CD96: variants seen among roughly 807,000 people sequenced by gnomAD.
The protein encoded by CD96 is CD96 molecule.
In CD96, 70 loss-of-function variants were observed where a neutral mutation model predicts 71.3. The ratio of observed to expected loss-of-function variants is 0.98; its 90% CI spans 0.81 to 1.20. CD96 has a LOEUF of 1.20. Ranked by LOEUF, CD96 falls within the 50% of genes most tolerant of loss-of-function variation. The pLI, the probability that CD96 is intolerant of heterozygous loss-of-function variation, is 0.00. For synonymous variants in CD96, 248 were observed against 233.0 expected (o/e 1.06, Z -0.59); for missense variants, 742 against 677.5 (o/e 1.10, Z -1.06).
chr3:111,656,880 G>A (rs1940242329), downstream of CD96, among the ~76,000 whole-genome samples: 1 of 152,044 alleles, frequency 6.6e-6, no homozygotes, highest in African/African-American at 2.4e-5. Context: ...TGGAGTTGAG[G>A]GGTAAAGAAG....
chr3:111,570,468 G>A (rs1440760368), intron 3 of CD96, among the ~76,000 whole-genome samples: 1 of 152,054 alleles, frequency 6.6e-6, no homozygotes, highest in African/African-American at 2.4e-5. Flanking sequence ...AATTTCTCTG[G>A]GCTCGTGGGT....
At chr3:111,604,889 G>A (rs559799428) in intron 7 of CD96, among the ~76,000 whole-genome samples, 2 of 152,032 alleles carry the variant, frequency 1.3e-5, no homozygotes, top group Non-Finnish European at 2.9e-5. Flanking sequence ...AGAAAAAAAG[G>A]GAAAAACTGT....
intron 14 of CD96, among the ~76,000 whole-genome samples, chr3:111,664,479 A>T (rs1940434332): frequency 6.6e-6 from 1 of 152,342 alleles, no homozygotes; most frequent in African/African-American, 2.4e-5. Flanking sequence ...GGACATAAAT[A>T]TGGAAACAAT....
At chr3:111,654,709 A>G (rs1030398928), downstream of CD96, among the ~76,000 whole-genome samples, 1 of 152,258 alleles carries the variant, frequency 6.6e-6, no homozygotes, top group African/African-American at 2.4e-5. Flanking sequence ...GGCTGGGGCC[A>G]TATCCAGCTA....
Position 111,563,512 on chromosome 3 carries a change from C to G in CD96, c.419-4011C>G, listed in dbSNP as rs547492087. On this transcript the variant is annotated intron_variant, in intron 2 of 13. Coordinates refer to ENST00000352690, the MANE Select transcript of CD96 (RefSeq NM_005816.5). ...GTCTCCTGCTGTTTTTACTAAAGCT[C>G]TAGTGATTTTTCAATAAGAAATGCT... Among the ~76,000 whole-genome samples, 7 of 152,282 alleles carry G rather than the reference C, an allele frequency of 4.6e-5. No individual in the cohort carries two copies. In the South Asian group the frequency reaches 1.2e-3, roughly 27 times the overall value.
intron 11 of CD96, among the ~76,000 whole-genome samples, chr3:111,637,664 T>A (rs1255325839): frequency 6.6e-6 from 1 of 152,178 alleles, no homozygotes; most frequent in Non-Finnish European, 1.5e-5. Flanking sequence ...GCTGAACCTC[T>A]CATACCAAGA....
chr3:111,568,893 A>T lies in CD96; in HGVS notation c.543+1246A>T, dbSNP rs182383745. Among the ~76,000 whole-genome samples the T allele has an allele frequency of 1.1e-4, 17 of 152,344 alleles. 1 individual carries two copies. The highest frequency in any genetic ancestry group is 3.8e-4 in the African/African-American group (16 of 41,592). ...TGACAACAAAGAGACAAACACAATT[A>T]TAGAGGTGATCATAAACATGATTTC... On this transcript the variant is annotated intron_variant, in intron 3 of 13. Coordinates refer to ENST00000352690, the MANE Select transcript of CD96 (RefSeq NM_005816.5).
chr3:111,556,708 G>A (rs925361125), intron 2 of CD96, among the ~76,000 whole-genome samples: 1 of 146,918 alleles, frequency 6.8e-6, no homozygotes, highest in Non-Finnish European at 1.5e-5. Context: ...ATAGTCATTT[G>A]GGTATATACC....
At chr3:111,585,004 G>A (rs1004832166) in intron 4 of CD96, among the ~76,000 whole-genome samples, 1 of 152,062 alleles carries the variant, frequency 6.6e-6, no homozygotes, top group African/African-American at 2.4e-5. Context: ...TTATTTAAAA[G>A]CTGTCTTCAA....
intron 1 of CD96, among the ~76,000 whole-genome samples, chr3:111,543,072 G>A (rs143092855): frequency 3.9e-5 from 6 of 152,166 alleles, no homozygotes; most frequent in South Asian, 2.1e-4. Flanking sequence ...GCAAAGGATA[G>A]CTCACAGGAA....
chr3:111,616,884 C>A (rs1223004167), intron 8 of CD96, among the ~76,000 whole-genome samples: 1 of 152,160 alleles, frequency 6.6e-6, no homozygotes, highest in African/African-American at 2.4e-5. Flanking sequence ...CAGACCCTGA[C>A]ACCCCTGCTC....
intron 6 of CD96, among the ~76,000 whole-genome samples, chr3:111,600,204 G>A (rs1266055409): frequency 6.6e-6 from 1 of 152,130 alleles, no homozygotes; most frequent in Non-Finnish European, 1.5e-5. Flanking sequence ...CTCTCTAAGG[G>A]CCACAGCCAG....
At chr3:111,660,121 T>C (rs1308784533) in intron 14 of CD96, among the ~76,000 whole-genome samples, 1 of 152,092 alleles carries the variant, frequency 6.6e-6, no homozygotes, top group Non-Finnish European at 1.5e-5. Flanking sequence ...GTATAGAAAA[T>C]CCTAAAGACT....
chr3:111,593,980 C>T (rs772647045), intron 5 of CD96: 12 of 1,614,084 alleles, frequency 7.4e-6, no homozygotes, highest in African/African-American at 1.3e-5. Context: ...AGGTGGCATA[C>T]TGGTTGGGAT....
intron 8 of CD96, among the ~76,000 whole-genome samples, chr3:111,608,179 G>T (rs887114515): frequency 1.4e-5 from 2 of 141,890 alleles, no homozygotes; most frequent in African/African-American, 2.6e-5. Context: ...GCATATAGAT[G>T]GTCTCAGTTC....
chr3:111,570,069 G>A lies in CD96; in HGVS notation c.543+2422G>A, dbSNP rs185347447. Among the ~76,000 whole-genome samples, 728 of 152,208 alleles carry A rather than the reference G, an allele frequency of 4.8e-3. 4 individuals are homozygous for A. The highest frequency in any genetic ancestry group is 0.017 in the Middle Eastern group (5 of 294). On this transcript the variant is annotated intron_variant, in intron 3 of 13. Transcript: ENST00000352690. ...GAATTGGGGTGGGGGTGGGGGCTCA[G>A]GGAAGGGTCTGCACCCTGAGACTTC...
chr3:111,660,106 A>T (rs1940320836), intron 14 of CD96, among the ~76,000 whole-genome samples: 1 of 152,206 alleles, frequency 6.6e-6, no homozygotes, highest in African/African-American at 2.4e-5. Flanking sequence ...TTATGGCATG[A>T]CTCTGTATAG....
downstream of CD96, among the ~76,000 whole-genome samples, chr3:111,654,664 A>G (rs1006101765): frequency 6.6e-6 from 1 of 152,228 alleles, no homozygotes; most frequent in Non-Finnish European, 1.5e-5. Context: ...GGGAAGAGCA[A>G]CAAACCCAAT....
intron 2 of CD96, among the ~76,000 whole-genome samples, chr3:111,564,074 A>C (rs1186578049): frequency 6.6e-6 from 1 of 152,124 alleles, no homozygotes; most frequent in African/African-American, 2.4e-5. Flanking sequence ...CCCATGTTTG[A>C]CTTTGCTCGA....
Sources: allele counts gnomAD v4.1 joint callset (sites outside exome capture counted in the v4.1 genomes callset), GRCh38; gene constraint gnomAD v4.1.1; transcripts MANE v1.5; gene names NCBI Gene and HGNC (gene_info 2026-07-23, HGNC 2026-07-21).